CAMTA1: variants seen among roughly 807,000 people sequenced by gnomAD.
CAMTA1 encodes the protein calmodulin-binding transcription activator 1.
Under a neutral mutation model 170.9 loss-of-function variants are expected in CAMTA1, and 27 were observed. The ratio of observed to expected loss-of-function variants is 0.16; its 90% CI spans 0.12 to 0.22. The LOEUF (loss-of-function observed/expected upper bound fraction) is 0.22. Among genes scored for constraint, CAMTA1 ranks in the 10% least tolerant of loss-of-function variants. CAMTA1 has a pLI of 1.00. For synonymous variants in CAMTA1, 833 were observed against 891.5 expected (o/e 0.93, Z 1.17); for missense variants, 1,619 against 2,217.2 (o/e 0.73, Z 5.42).
At chr1:7,621,762 C>T (rs1437587944) in intron 6 of CAMTA1, among the ~76,000 whole-genome samples, 1 of 152,168 alleles carries the variant, frequency 6.6e-6, no homozygotes, top group Non-Finnish European at 1.5e-5. Context: ...TGTGCAATCC[C>T]GAGCAGGTCG....
chr1:7,305,414 T>G (rs1226008793), intron 5 of CAMTA1, among the ~76,000 whole-genome samples: 1 of 151,850 alleles, frequency 6.6e-6, no homozygotes, highest in Non-Finnish European at 1.5e-5. Context: ...AAACCCCAGC[T>G]GGTATTTTTA....
At chr1:7,498,760 G>C (rs547796290) in intron 6 of CAMTA1, among the ~76,000 whole-genome samples, 56 of 147,170 alleles carry the variant, frequency 3.8e-4, no homozygotes, top group Non-Finnish European at 6.8e-4. Flanking sequence ...GCAGAGGATT[G>C]TGTGAGCCTG....
At chr1:7,272,599 T>G (rs1476944227) in intron 5 of CAMTA1, among the ~76,000 whole-genome samples, 2 of 147,568 alleles carry the variant, frequency 1.4e-5, no homozygotes, top group East Asian at 4.0e-4. Context: ...TTAGCATTTA[T>G]GGTCAATTGA....
intron 5 of CAMTA1, among the ~76,000 whole-genome samples, chr1:7,324,982 A>G (rs760268527): frequency 6.6e-6 from 1 of 152,052 alleles, no homozygotes; most frequent in Non-Finnish European, 1.5e-5. Context: ...TCCTCACTCT[A>G]CTAATGTGTT....
At chr1:7,218,351 T>C (rs1660120894) in intron 4 of CAMTA1, among the ~76,000 whole-genome samples, 2 of 152,216 alleles carry the variant, frequency 1.3e-5, no homozygotes, top group South Asian at 4.1e-4. Context: ...TTTTCTTTCA[T>C]AGTCTTCTAC....
At chr1:7,273,824 CAAT>C (rs1040249613) in intron 5 of CAMTA1, among the ~76,000 whole-genome samples, 5 of 152,126 alleles carry the variant, frequency 3.3e-5, no homozygotes, top group Middle Eastern at 3.4e-3. Flanking sequence ...TGTGTGACAA[CAAT>C]GATACAAAGG....
chr1:7,272,692 C>CAAAAAAAAAACAAAAA (rs1669988442), intron 5 of CAMTA1, among the ~76,000 whole-genome samples: 1 of 38,802 alleles, frequency 2.6e-5, no homozygotes, highest in East Asian at 1.1e-3. Flanking sequence ...TAAACACATG[C>CAAAAAAAAAACAAAAA]AAAAAAAAAA....
chr1:7,679,573 C>G (rs2096163820), intron 11 of CAMTA1, among the ~76,000 whole-genome samples: 1 of 90,190 alleles, frequency 1.1e-5, no homozygotes, highest in African/African-American at 3.9e-5. Flanking sequence ...TGCTCCCTAG[C>G]TGCCCCCCCC....
intron 4 of CAMTA1, among the ~76,000 whole-genome samples, chr1:7,213,401 A>G (rs974333771): frequency 6.6e-5 from 10 of 152,250 alleles, no homozygotes; most frequent in African/African-American, 2.2e-4. Context: ...TGCCATCTGT[A>G]TATTCTCTTT....
chr1:6,919,239 C>T (rs901655601), intron 3 of CAMTA1, among the ~76,000 whole-genome samples: 2 of 152,164 alleles, frequency 1.3e-5, no homozygotes, highest in Admixed American at 1.3e-4. Context: ...TTGTTTGATC[C>T]TTCACCTCTC....
chr1:7,447,286 C>T (rs1432376147), intron 5 of CAMTA1, among the ~76,000 whole-genome samples: 2 of 151,840 alleles, frequency 1.3e-5, no homozygotes, highest in African/African-American at 4.8e-5. Flanking sequence ...AGTGACTCTA[C>T]AAGAAGGGCA....
intron 3 of CAMTA1, among the ~76,000 whole-genome samples, chr1:6,871,072 A>G (rs1221870539): frequency 2.6e-5 from 4 of 152,222 alleles, no homozygotes; most frequent in African/African-American, 9.6e-5. Flanking sequence ...TGAGTAAATA[A>G]TAACACTTAT....
chr1:6,995,773 T>C (rs1697162603), intron 3 of CAMTA1, among the ~76,000 whole-genome samples: 1 of 150,880 alleles, frequency 6.6e-6, no homozygotes, highest in Non-Finnish European at 1.5e-5. Flanking sequence ...GCACCAGGAG[T>C]GGTCAGAGGT....
chr1:7,589,006 A>G (rs764954040), intron 6 of CAMTA1, among the ~76,000 whole-genome samples: 1 of 152,226 alleles, frequency 6.6e-6, no homozygotes, highest in Non-Finnish European at 1.5e-5. Context: ...AATTTTGCGC[A>G]GCCAGAAAAC....
At position 7,737,984 on chromosome 1, in the gene CAMTA1, C is replaced by T; in HGVS notation, c.3684C>T (p.Pro1228=). 6.2e-7 allele frequency: 1 copy of T among 1,612,438 alleles called. No individual in the cohort carries two copies. The highest frequency in any genetic ancestry group is 1.1e-5 in the South Asian group (1 of 90,944). The change falls in exon 16 of 23, where the codon CCC becomes CCT. Residue 1228 remains proline (P), a synonymous_variant. Transcript: ENST00000303635. ...AGCTGAGAAGACCTCGTTCTGAACC[C>T]TCTAATTACTACAGCAGTGAGAGCC... ...NPELRRPRSE[P]SNYYSSESHK... is the part of the protein sequence containing the mutation.
chr1:7,142,006 A>G (rs1573403321), intron 4 of CAMTA1: 10 of 468,688 alleles, frequency 2.1e-5, no homozygotes, highest in South Asian at 1.6e-4. Context: ...TTTTTTCCTG[A>G]TGTCTTGGCT....
At chr1:7,235,595 C>G (rs1213761778) in intron 4 of CAMTA1, among the ~76,000 whole-genome samples, 4 of 152,152 alleles carry the variant, frequency 2.6e-5, no homozygotes, top group Non-Finnish European at 1.5e-5. Flanking sequence ...CCATGGTACT[C>G]CACCCTGGGT....
At chr1:7,180,115 C>A (rs12082014) in intron 4 of CAMTA1, among the ~76,000 whole-genome samples, 1 of 151,876 alleles carries the variant, frequency 6.6e-6, no homozygotes, top group African/African-American at 2.4e-5. Flanking sequence ...ATCTGTAATC[C>A]CAGCACTTTG....
intron 1 of CAMTA1, among the ~76,000 whole-genome samples, chr1:6,790,349 GCA>G (rs1640705011): frequency 6.6e-6 from 1 of 150,600 alleles, no homozygotes; most frequent in African/African-American, 2.5e-5. Flanking sequence ...CAGACTGTGT[GCA>G]GAGTGTGAGA....
Sources: allele counts gnomAD v4.1 joint callset (sites outside exome capture counted in the v4.1 genomes callset), GRCh38; gene constraint gnomAD v4.1.1; transcripts MANE v1.5; gene names NCBI Gene and HGNC (gene_info 2026-07-23, HGNC 2026-07-21).